The following SPAG9 variants were observed in gnomAD, a reference collection of about 807,000 sequenced individuals.
SPAG9 encodes the protein C-Jun-amino-terminal kinase-interacting protein 4.
A neutral mutation model predicts 166.5 loss-of-function variants in SPAG9; 35 were observed. The ratio of observed to expected loss-of-function variants is 0.21; its 90% CI spans 0.16 to 0.28. SPAG9 has a LOEUF of 0.28. SPAG9 is among the 10% of genes least tolerant of loss of function. SPAG9 has a pLI of 1.00. For missense variants in SPAG9, 1,235 were observed against 1,603.3 expected, an observed-to-expected ratio of 0.77 and a Z score of 3.92; for synonymous variants, 534 against 565.5, an observed-to-expected ratio of 0.94 and a Z score of 0.79.
intron 6 of SPAG9, among the ~76,000 whole-genome samples, chr17:51,022,715 G>A (rs1304059539): frequency 2.0e-5 from 3 of 151,402 alleles, no homozygotes. Context: ...TTTGGAGGCC[G>A]AGGCAGGCGG....
chr17:50,965,609 C>T lies in SPAG9; in HGVS notation c.*663G>A, dbSNP rs1973319432. 1 of 152,126 alleles carries T rather than the reference C, an allele frequency of 6.6e-6. No homozygotes were observed. The highest frequency in any genetic ancestry group is 2.4e-5 in the African/African-American group (1 of 41,416). 9.4% of individuals were successfully genotyped at this position (152,126 alleles called of 1,614,324 possible). A position where few individuals can be genotyped will look rare whatever the true frequency, so the allele number is the denominator to read the frequency against. ...TATTCAGAGAAGTAGGCCTCATAAA[C>T]TTTAGAGCTCTAATAAGTCAGAAAC... is the stretch of plus-strand genomic sequence containing the variant. On this transcript the variant is annotated 3_prime_UTR_variant, in exon 30 of 30. Transcript: ENST00000262013.
intron 1 of SPAG9, among the ~76,000 whole-genome samples, chr17:51,102,402 TG>T (rs2048831479): frequency 7.3e-6 from 1 of 137,496 alleles, no homozygotes. Flanking sequence ...AGACTCTGTC[TG>T]CAAAAAAAAA....
Position 50,989,856 on chromosome 17 carries a change from A to G in SPAG9, c.2634T>C (p.Asn878=). 1 of 1,613,706 alleles carries G rather than the reference A, an allele frequency of 6.2e-7. No individual in the cohort carries two copies. The highest frequency in any genetic ancestry group is 2.2e-5 in the East Asian group (1 of 44,862). The change falls in exon 21 of 30, where the codon AAT becomes AAC. Residue 878 remains asparagine (N), a synonymous_variant. Coordinates refer to ENST00000262013, the MANE Select transcript of SPAG9 (RefSeq NM_001130528.3). Reference sequence around the variant, plus strand: ...TTGGAACATTTTCATCAACCTCACTATTTTCTGCTTCCATTTCTACAAAGT... The same window carrying G: ...TTGGAACATTTTCATCAACCTCACTGTTTTCTGCTTCCATTTCTACAAAGT... ...MDKPPEMEAE[N]SEVDENVPTA...
chr17:51,071,623 T>G (rs1266404168), intron 2 of SPAG9, among the ~76,000 whole-genome samples: 1 of 152,242 alleles, frequency 6.6e-6, no homozygotes, highest in Non-Finnish European at 1.5e-5. Flanking sequence ...ACTCAACTTT[T>G]CAACATTGTT....
At chr17:50,988,043 C>T (rs1334160714) in intron 21 of SPAG9, among the ~76,000 whole-genome samples, 5 of 152,076 alleles carry the variant, frequency 3.3e-5, no homozygotes, top group Admixed American at 2.6e-4. Flanking sequence ...TGATAAAACC[C>T]CATCTCTACT....
rs950569560 is a variant in SPAG9 at position 50,970,802 on chromosome 17, T to C, written c.3755A>G (p.Lys1252Arg). 5.6e-6 allele frequency: 9 copies of C among 1,614,154 alleles called. No individual in the cohort carries two copies. The Admixed American group carries it at 1.0e-4, about 18-fold the overall frequency. Reference protein sequence around the residue: ...SSSGTDLTGDKAGPSAQEPGS... With the variant: ...SSSGTDLTGDRAGPSAQEPGS... ...AGGCTCCTGTGCAGATGGCCCTGCTTTGTCACCCGTCAGATCCGTGCCACT... is the reference window on the plus strand; with the variant it reads ...AGGCTCCTGTGCAGATGGCCCTGCTCTGTCACCCGTCAGATCCGTGCCACT... The change falls in exon 29 of 30, where the codon AAA (lysine) becomes AGA (arginine). Residue 1252 changes from lysine (K) to arginine (R), a missense_variant. Lys to Arg is a conservative substitution (Grantham distance 26). Around this residue, in one of 6 missense-constraint regions of SPAG9, gnomAD observed 243 missense variants for 358.6 expected, o/e 0.68. Transcript: ENST00000262013.
In SPAG9 at chr17:51,120,845, C is replaced by G. The variant is rs940301219; in HGVS notation, c.-189G>C. 2.6e-6 allele frequency: 1 copy of G among 377,560 alleles called. No homozygotes were observed. Among genetic ancestry groups the G allele is most frequent in the African/African-American group, 2.1e-5 (1 of 46,678 alleles). 23.4% of individuals were successfully genotyped at this position (377,560 alleles called of 1,614,324 possible). A position where few individuals can be genotyped will look rare whatever the true frequency, so the allele number is the denominator to read the frequency against. On this transcript the variant is annotated 5_prime_UTR_variant, in exon 1 of 30. Coordinates refer to ENST00000262013, the MANE Select transcript of SPAG9 (RefSeq NM_001130528.3). This position sits in a 1 kb window ranked among gnomAD's most constrained non-coding sequence, Gnocchi z 4.7. ...GAGGGGTGGCGTAGGCGCTCTCACC[C>G]CAACCGCCGCTGCACCAACTGCCGG...
chr17:51,093,832 T>C (rs2048539625), intron 1 of SPAG9, among the ~76,000 whole-genome samples: 1 of 151,420 alleles, frequency 6.6e-6, no homozygotes, highest in Non-Finnish European at 1.5e-5. Flanking sequence ...TAGTTAGTAA[T>C]ATCCCTAGTA....
intron 19 of SPAG9, among the ~76,000 whole-genome samples, chr17:50,991,625 T>C (rs1275563607): frequency 6.6e-6 from 1 of 150,512 alleles, no homozygotes; most frequent in Admixed American, 6.6e-5. Context: ...GCCATCACCA[T>C]TATTTTTTTT....
chr17:51,120,486 C>T lies in SPAG9; in HGVS notation c.171G>A (p.Val57=), dbSNP rs1273907660. 2.5e-6 allele frequency: 4 copies of T among 1,613,916 alleles called. No homozygotes were observed. Among genetic ancestry groups the T allele is most frequent in the Non-Finnish European group, 3.4e-6 (4 of 1,179,922 alleles). Residue 57 remains valine, a synonymous_variant, in exon 1 of 30, where the codon GTG becomes GTA. Coordinates refer to ENST00000262013, the MANE Select transcript of SPAG9 (RefSeq NM_001130528.3). This position sits in a 1 kb window ranked among gnomAD's most constrained non-coding sequence, Gnocchi z 4.7. ...VKELMPLVVA[V]LENLDSVFAQ... is the part of the protein sequence containing the mutation. ...CGAACACCGAGTCCAGGTTCTCCAG[C>T]ACAGCCACCACCAGCGGCATCAGCT...
intron 1 of SPAG9, among the ~76,000 whole-genome samples, chr17:51,098,969 G>A (rs367985423): frequency 3.9e-5 from 6 of 151,902 alleles, no homozygotes; most frequent in East Asian, 2.0e-4. Context: ...GTGTGGCGGC[G>A]CTTGCCTGTG....
intron 5 of SPAG9, among the ~76,000 whole-genome samples, 174 bp downstream of exon 5, chr17:51,041,327 A>C (rs1475271004): frequency 6.6e-6 from 1 of 152,258 alleles, no homozygotes; most frequent in Non-Finnish European, 1.5e-5. Context: ...GAAATAAAAT[A>C]GTAAAAAACA....
At position 50,989,768 on chromosome 17, in the gene SPAG9, T is replaced by C; in HGVS notation, c.2722A>G (p.Ile908Val). 1.2e-6 allele frequency: 2 copies of C among 1,614,186 alleles called. No individual in the cohort carries two copies. The highest frequency in any genetic ancestry group is 1.7e-6 in the Non-Finnish European group (2 of 1,180,026). Residue 908 changes from isoleucine to valine, a missense_variant, in exon 21 of 30, where the codon ATC (isoleucine) becomes GTC (valine). Physicochemically the swap from Ile to Val is conservative, Grantham distance 29. Transcript: ENST00000262013. ...TCTGTGTAGACGCCAGTTTGGGAGA[T>C]GTCCACTGTGTCTTCAGCTGACCCC... ...NAGSAEDTVD[I>V]SQTGVYTEHV...
At chr17:50,997,726 T>C (rs2143912388) in intron 15 of SPAG9, among the ~76,000 whole-genome samples, 1 of 152,240 alleles carries the variant, frequency 6.6e-6, no homozygotes, top group Non-Finnish European at 1.5e-5. Context: ...ACAGAGAAAC[T>C]GGGGGCTCTG....
chr17:51,053,968 T>C (rs980807528), intron 3 of SPAG9, among the ~76,000 whole-genome samples: 1 of 141,522 alleles, frequency 7.1e-6, no homozygotes, highest in African/African-American at 2.6e-5. Flanking sequence ...ATAGAGTACA[T>C]TGTTTAGGCA....
chr17:51,020,342 A>T (rs1030948949), intron 7 of SPAG9, 84 bp from the exon 8 acceptor site: 166 of 856,990 alleles, frequency 1.9e-4, no homozygotes, highest in Non-Finnish European at 5.0e-5. Flanking sequence ...TATGGGTGTA[A>T]AGGTATCATT....
At chr17:51,083,543 TTTTATTTA>T (rs71149341) in intron 1 of SPAG9, among the ~76,000 whole-genome samples, 25,493 of 141,074 alleles carry the variant, frequency 0.18, 2,686 homozygotes, top group Non-Finnish European at 0.25. Context: ...AGCCTCTTTA[TTTTATTTA>T]TTTATTTATT....
intron 9 of SPAG9, among the ~76,000 whole-genome samples, chr17:51,008,879 G>C (rs1481208341): frequency 1.3e-5 from 2 of 152,100 alleles, no homozygotes; most frequent in African/African-American, 4.8e-5. Flanking sequence ...CAATGGCTGG[G>C]AATGTTAACT....
In SPAG9 at chr17:50,979,732, C is replaced by A. The variant is rs765781809; in HGVS notation, c.3409+14G>T. 5.6e-6 allele frequency: 9 copies of A among 1,601,088 alleles called. No individual in the cohort carries two copies. Among genetic ancestry groups the A allele is most frequent in the Non-Finnish European group, 6.8e-6 (8 of 1,168,950 alleles). On this transcript the variant is annotated intron_variant, in intron 26 of 29. Transcript: ENST00000262013. Reference sequence around the variant, plus strand: ...CTCTTTGACTGGTAAAGATAAAACGCGTTGGAAGCTTACCTAACATTTTGC... The same window carrying A: ...CTCTTTGACTGGTAAAGATAAAACGAGTTGGAAGCTTACCTAACATTTTGC...
Sources: gnomAD v4.1 joint callset for allele counts (sites outside exome capture counted in the v4.1 genomes callset) on GRCh38, gnomAD v4.1.1 for gene constraint, gnomAD v4.1.1 regional missense constraint, Gnocchi (gnomAD v3.1) non-coding constraint, MANE v1.5 for transcripts, NCBI Gene and HGNC (gene_info 2026-07-23, HGNC 2026-07-21) for gene names.